The following UBE3D variants were observed in gnomAD, a reference collection of about 807,000 sequenced individuals.
UBE3D encodes ubiquitin protein ligase E3D, also known as E3 ubiquitin-protein ligase E3D.
Under a neutral mutation model 49.6 loss-of-function variants are expected in UBE3D, and 48 were observed. That is an observed-to-expected ratio of 0.97 (90% CI 0.77 to 1.23). The LOEUF (loss-of-function observed/expected upper bound fraction) is 1.23. Among genes scored for constraint, UBE3D ranks in the 50% most tolerant of loss-of-function variants. The pLI, the probability that UBE3D is intolerant of heterozygous loss-of-function variation, is 0.00. For missense variants in UBE3D, 452 were observed against 468.4 expected, an observed-to-expected ratio of 0.96 and a Z score of 0.32; for synonymous variants, 189 against 174.2, an observed-to-expected ratio of 1.08 and a Z score of -0.67.
intron 8 of UBE3D, among the ~76,000 whole-genome samples, chr6:82,978,458 A>G (rs564327235): frequency 6.6e-6 from 1 of 152,184 alleles, no homozygotes; most frequent in Admixed American, 6.5e-5. Flanking sequence ...AGGGCTAAAC[A>G]TAGAAAAGTT....
intron 5 of UBE3D, among the ~76,000 whole-genome samples, chr6:83,034,676 C>G (rs1304882359): frequency 6.6e-6 from 1 of 152,124 alleles, no homozygotes; most frequent in African/African-American, 2.4e-5. Flanking sequence ...CTCCTGCCCC[C>G]TTATGAAGAA....
chr6:82,961,928 C>T (rs527349678), intron 8 of UBE3D, among the ~76,000 whole-genome samples: 98 of 150,958 alleles, frequency 6.5e-4, no homozygotes, highest in African/African-American at 2.2e-3. Flanking sequence ...TGCCATTGCT[C>T]TCCAGCCTGG....
intron 9 of UBE3D, among the ~76,000 whole-genome samples, chr6:82,910,082 A>G (rs1343201048): frequency 6.6e-6 from 1 of 152,172 alleles, no homozygotes; most frequent in Admixed American, 6.5e-5. Flanking sequence ...GAAAAGAGGA[A>G]AAGCACTGGT....
At chr6:83,002,340 G>T (rs1389423035) in intron 8 of UBE3D, among the ~76,000 whole-genome samples, 1 of 152,136 alleles carries the variant, frequency 6.6e-6, no homozygotes, top group Non-Finnish European at 1.5e-5. Flanking sequence ...CTTTTGAGAG[G>T]TGATTAGACC....
chr6:82,910,733 T>A (rs1772441638), intron 9 of UBE3D, among the ~76,000 whole-genome samples: 1 of 152,152 alleles, frequency 6.6e-6, no homozygotes, highest in African/African-American at 2.4e-5. Context: ...AGAATTAGAA[T>A]TAGGTGATAC....
rs2127707857 is a variant in UBE3D at position 82,972,675 on chromosome 6, A to G, written c.1011-15225T>C. On this transcript the variant is annotated intron_variant, in intron 8 of 9. Transcript: ENST00000369747. ...TACATAATTCTACAAATTTAAATGTACATAAAAATATAGCTTGGTGTTCTT... is the reference window on the plus strand; with the variant it reads ...TACATAATTCTACAAATTTAAATGTGCATAAAAATATAGCTTGGTGTTCTT... 1.3e-5 allele frequency among the ~76,000 whole-genome samples: 2 copies of G among 152,352 alleles called. 1 individual carries two copies. The highest frequency in any genetic ancestry group is 3.9e-4 in the East Asian group (2 of 5,182).
At chr6:82,926,364 T>A (rs1479817727) in intron 9 of UBE3D, among the ~76,000 whole-genome samples, 1 of 152,154 alleles carries the variant, frequency 6.6e-6, no homozygotes, top group South Asian at 2.1e-4. Context: ...CATTCACCTA[T>A]AGAAGAGACT....
At chr6:83,034,229 C>T (rs73752503) in intron 5 of UBE3D, among the ~76,000 whole-genome samples, 156 of 152,182 alleles carry the variant, frequency 1.0e-3, no homozygotes, top group African/African-American at 3.6e-3. Flanking sequence ...CTTATACCAC[C>T]CCACACACAA....
the UBE3D span, among the ~76,000 whole-genome samples, chr6:82,884,761 A>C: frequency 6.6e-6 from 1 of 152,214 alleles, no homozygotes; most frequent in Non-Finnish European, 1.5e-5. Flanking sequence ...TCTGAGAAGG[A>C]AAATGCATGG....
intron 4 of UBE3D, among the ~76,000 whole-genome samples, chr6:83,038,719 T>C (rs1782443334): frequency 6.6e-6 from 1 of 152,184 alleles, no homozygotes; most frequent in African/African-American, 2.4e-5. Flanking sequence ...CACTTCTTGA[T>C]AGTCCAAAAG....
chr6:83,046,670 G>GCC, intron 3 of UBE3D, among the ~76,000 whole-genome samples: 1 of 95,484 alleles, frequency 1.0e-5, no homozygotes, highest in Non-Finnish European at 2.2e-5. Context: ...TCTTGCAGTT[G>GCC]GCGGGGGGGG....
At chr6:83,064,402 A>AT (rs1292093380) in intron 1 of UBE3D, among the ~76,000 whole-genome samples, 1 of 151,948 alleles carries the variant, frequency 6.6e-6, no homozygotes, top group Non-Finnish European at 1.5e-5. Context: ...TAATTTTTGT[A>AT]TTTTTAGTAG....
At chr6:83,028,858 T>C (rs1177878207) in intron 5 of UBE3D, among the ~76,000 whole-genome samples, 1 of 152,198 alleles carries the variant, frequency 6.6e-6, no homozygotes, top group Non-Finnish European at 1.5e-5. Context: ...TTTGCCTTCA[T>C]TTTTGAGTGA....
chr6:83,022,780 A>G (rs1417095323), intron 6 of UBE3D, among the ~76,000 whole-genome samples: 1 of 152,162 alleles, frequency 6.6e-6, no homozygotes, highest in Non-Finnish European at 1.5e-5. Flanking sequence ...CTATTCTCCA[A>G]TCCTTGATAC....
chr6:83,041,502 G>A (rs113350772), intron 4 of UBE3D, among the ~76,000 whole-genome samples: 48 of 152,166 alleles, frequency 3.2e-4, no homozygotes, highest in African/African-American at 9.2e-4. Flanking sequence ...GTGTGATAAC[G>A]GTGTGGCTAC....
chr6:83,053,565 A>AAAC (rs995851895), intron 3 of UBE3D, among the ~76,000 whole-genome samples: 1 of 152,154 alleles, frequency 6.6e-6, no homozygotes, highest in Non-Finnish European at 1.5e-5. Flanking sequence ...AAAAACCCAA[A>AAAC]AACAACAACA....
chr6:82,920,380 A>G (rs959844610), intron 9 of UBE3D, among the ~76,000 whole-genome samples: 4 of 152,240 alleles, frequency 2.6e-5, no homozygotes, highest in Admixed American at 6.5e-5. Flanking sequence ...TGATACATAT[A>G]TCTTTTTAAT....
chr6:82,887,031 G>C, the UBE3D span, among the ~76,000 whole-genome samples: 3 of 152,116 alleles, frequency 2.0e-5, no homozygotes, highest in Admixed American at 6.5e-5. Flanking sequence ...TGGGCCTAGT[G>C]CAGTGGCTCA....
At chr6:82,981,402 A>G in intron 8 of UBE3D, among the ~76,000 whole-genome samples, 1 of 152,088 alleles carries the variant, frequency 6.6e-6, no homozygotes, top group East Asian at 1.9e-4. Context: ...GGAGCAGTCC[A>G]AGTCACAGGT....
Sources: gnomAD v4.1 joint callset for allele counts (sites outside exome capture counted in the v4.1 genomes callset) on GRCh38, gnomAD v4.1.1 for gene constraint, MANE v1.5 for transcripts, NCBI Gene and HGNC (gene_info 2026-07-23, HGNC 2026-07-21) for gene names.